KLHL3: variants seen among roughly 807,000 people sequenced by gnomAD.
KLHL3 encodes the protein kelch-like protein 3.
In KLHL3, 19 loss-of-function variants were observed where a neutral mutation model predicts 70.5. That is an observed-to-expected ratio of 0.27 (90% CI 0.19 to 0.40). The LOEUF is 0.40. Ranked by LOEUF, KLHL3 falls within the 10% of genes least tolerant of loss-of-function variation. The pLI, the probability that KLHL3 is intolerant of heterozygous loss-of-function variation, is 1.00. For synonymous variants in KLHL3, 258 were observed against 290.3 expected (o/e 0.89, Z 1.13); for missense variants, 512 against 771.1 (o/e 0.66, Z 3.98).
chr5:137,680,594 G>A (rs905944882), intron 5 of KLHL3, among the ~76,000 whole-genome samples: 3 of 150,794 alleles, frequency 2.0e-5, no homozygotes, highest in African/African-American at 7.3e-5. Flanking sequence ...CCAGGGTGGA[G>A]TGCAATGGCG....
At chr5:137,712,846 T>C (rs1752820460) in intron 2 of KLHL3, among the ~76,000 whole-genome samples, 1 of 152,186 alleles carries the variant, frequency 6.6e-6, no homozygotes, top group African/African-American at 2.4e-5. Flanking sequence ...TGTCACAGAA[T>C]TGACATGTGC....
chr5:137,695,827 A>G (rs1489476654), intron 4 of KLHL3, among the ~76,000 whole-genome samples: 2 of 152,210 alleles, frequency 1.3e-5, no homozygotes, highest in African/African-American at 4.8e-5. Context: ...CCATCCTCAT[A>G]GAATAACTAA....
Position 137,735,781 on chromosome 5 carries a change from GCCT to G in KLHL3, c.-138_-136del. 8.5e-7 allele frequency: 1 copy of G among 1,180,282 alleles called. No individual in the cohort carries two copies. The highest frequency in any genetic ancestry group is 1.3e-6 in the Non-Finnish European group (1 of 788,358). 73.1% of individuals were successfully genotyped at this position (1,180,282 alleles called of 1,614,324 possible). A position where few individuals can be genotyped will look rare whatever the true frequency, so the allele number is the denominator to read the frequency against. On this transcript the variant is annotated 5_prime_UTR_variant, in exon 1 of 15. Transcript: ENST00000309755. ...GTGATTCAGCATGGCTGCAAGTGAA[GCCT>G]CCTCCCTTCTCAATCCTCCTTCCTC...
At chr5:137,643,080 G>A (rs917325248) in intron 8 of KLHL3, among the ~76,000 whole-genome samples, 1 of 152,212 alleles carries the variant, frequency 6.6e-6, no homozygotes, top group African/African-American at 2.4e-5. Context: ...GCTAGGTGCA[G>A]TGGCTCATGC....
At chr5:137,658,029 T>G (rs956195928) in intron 8 of KLHL3, 102 bp downstream of exon 8, 2 of 1,179,240 alleles carry the variant, frequency 1.7e-6, no homozygotes, top group Admixed American at 2.3e-5. Context: ...GCAACCAAGA[T>G]GCAGGGCAGC....
intron 4 of KLHL3, among the ~76,000 whole-genome samples, chr5:137,694,410 G>C (rs575739693): frequency 6.6e-6 from 1 of 152,212 alleles, no homozygotes; most frequent in East Asian, 1.9e-4. Context: ...ACACAGCCAG[G>C]ATCCAAATCT....
chr5:137,640,783 CT>C (rs1420442282), intron 8 of KLHL3, among the ~76,000 whole-genome samples: 5 of 152,202 alleles, frequency 3.3e-5, no homozygotes, highest in Non-Finnish European at 7.3e-5. Context: ...ACACAGCTTG[CT>C]GCATCTATGT....
At chr5:137,693,388 T>G (rs1203260102) in intron 4 of KLHL3, among the ~76,000 whole-genome samples, 1 of 152,178 alleles carries the variant, frequency 6.6e-6, no homozygotes, top group African/African-American at 2.4e-5. Flanking sequence ...TGTATATGCA[T>G]GTGTTTTTCC....
At chr5:137,713,153 CA>C (rs958291877) in intron 2 of KLHL3, among the ~76,000 whole-genome samples, 3,127 of 38,506 alleles carry the variant, frequency 0.081, 52 homozygotes, top group Admixed American at 0.17. Context: ...GAATAACCAG[CA>C]AAAAAAAAAA....
chr5:137,684,244 GC>G (rs542508226), intron 5 of KLHL3, among the ~76,000 whole-genome samples: 3 of 152,326 alleles, frequency 2.0e-5, no homozygotes, highest in African/African-American at 7.2e-5. Context: ...ATGAGGCCAT[GC>G]CTATGAATCA....
chr5:137,643,239 C>A (rs943489696), intron 8 of KLHL3, among the ~76,000 whole-genome samples: 3 of 151,664 alleles, frequency 2.0e-5, no homozygotes, highest in Admixed American at 2.0e-4. Flanking sequence ...GTAGTCCCAG[C>A]TACTTGGAAG....
At chr5:137,722,861 G>A (rs545870120) in intron 1 of KLHL3, among the ~76,000 whole-genome samples, 59 of 152,102 alleles carry the variant, frequency 3.9e-4, no homozygotes, top group Non-Finnish European at 6.9e-4. Flanking sequence ...GAAATGGGGA[G>A]TTTCACCATG....
At chr5:137,686,166 T>A (rs904970361) in intron 5 of KLHL3, among the ~76,000 whole-genome samples, 12 of 151,998 alleles carry the variant, frequency 7.9e-5, no homozygotes, top group Admixed American at 5.2e-4. Context: ...GCACTATACA[T>A]CTAGATAAAG....
intron 8 of KLHL3, among the ~76,000 whole-genome samples, chr5:137,652,798 G>C (rs1386392004): frequency 6.6e-6 from 1 of 152,100 alleles, no homozygotes; most frequent in East Asian, 1.9e-4. Flanking sequence ...AAATAGTTAA[G>C]AGAATGGATT....
In KLHL3 at chr5:137,720,592, CA is replaced by C. The variant is rs1370305966; in HGVS notation, c.15-9del. The C allele has an allele frequency of 9.3e-6, 15 of 1,613,674 alleles. No individual in the cohort carries two copies. The highest frequency in any genetic ancestry group is 1.3e-5 in the Non-Finnish European group (15 of 1,180,000). ...TGGGAGCTCAGCTTGACACTGTGAA[CA>C]GGAAGGAAGAGGGAGGGAAAGAGAA... is the stretch of plus-strand genomic sequence containing the variant. On this transcript the variant is annotated splice_polypyrimidine_tract_variant and intron_variant, in intron 1 of 14. Transcript: ENST00000309755.
chr5:137,668,935 G>A (rs1401966187), intron 6 of KLHL3, among the ~76,000 whole-genome samples: 1 of 149,934 alleles, frequency 6.7e-6, no homozygotes, highest in African/African-American at 2.4e-5. Flanking sequence ...GCTGAGCGAT[G>A]TCCTGGTCTG....
chr5:137,712,944 T>G (rs923110707), intron 2 of KLHL3, among the ~76,000 whole-genome samples: 1 of 151,276 alleles, frequency 6.6e-6, no homozygotes, highest in Admixed American at 6.6e-5. Context: ...AAAAAAATGG[T>G]TTTTTTTCAA....
intron 1 of KLHL3, among the ~76,000 whole-genome samples, chr5:137,734,365 A>G (rs1312130428): frequency 6.6e-6 from 1 of 152,172 alleles, no homozygotes; most frequent in Non-Finnish European, 1.5e-5. Context: ...TGTTGCAAAG[A>G]GCACCCAGAA....
At chr5:137,635,017 A>G (rs565629334) in intron 11 of KLHL3, among the ~76,000 whole-genome samples, 3 of 152,344 alleles carry the variant, frequency 2.0e-5, no homozygotes, top group Admixed American at 6.5e-5. Flanking sequence ...CTAGCTGTAG[A>G]CTAAATAAAT....
Sources: gnomAD v4.1 joint callset for allele counts (sites outside exome capture counted in the v4.1 genomes callset) on GRCh38, gnomAD v4.1.1 for gene constraint, MANE v1.5 for transcripts, NCBI Gene and HGNC (gene_info 2026-07-23, HGNC 2026-07-21) for gene names.